WWOX: variants seen among roughly 807,000 people sequenced by gnomAD.
WWOX encodes the protein WW domain containing oxidoreductase, also known as WW domain-containing oxidoreductase.
In WWOX, 69 loss-of-function variants were observed where a neutral mutation model predicts 46.2. The ratio of observed to expected loss-of-function variants is 1.49; its 90% CI spans 1.23 to 1.82. The LOEUF (loss-of-function observed/expected upper bound fraction) is 1.82, where lower values mean the gene tolerates loss of function less well. WWOX is among the 40% of genes most tolerant of loss of function. The pLI is 0.00. For synonymous variants in WWOX, 359 were observed against 202.6 expected, an observed-to-expected ratio of 1.77 and a Z score of -6.56; for missense variants, 919 against 542.6, an observed-to-expected ratio of 1.69 and a Z score of -6.89.
intron 5 of WWOX, among the ~76,000 whole-genome samples, chr16:78,363,286 T>TC (rs1355876198): frequency 6.6e-6 from 1 of 151,848 alleles, no homozygotes; most frequent in African/African-American, 2.4e-5. Context: ...TTGAGGGCTT[T>TC]TTTTTTTGAC....
intron 5 of WWOX, among the ~76,000 whole-genome samples, chr16:78,249,067 C>A (rs189495734): frequency 4.8e-4 from 73 of 152,188 alleles, no homozygotes; most frequent in Non-Finnish European, 7.2e-4. Flanking sequence ...CCAGGCCAGA[C>A]TGGTCTTGAT....
chr16:78,319,861 C>A (rs2080430277), intron 5 of WWOX, among the ~76,000 whole-genome samples: 1 of 152,134 alleles, frequency 6.6e-6, no homozygotes, highest in Non-Finnish European at 1.5e-5. Context: ...CAGGCATCAC[C>A]TCACGCGTCT....
chr16:78,147,572 G>A (rs940988283), intron 4 of WWOX, among the ~76,000 whole-genome samples: 4 of 151,506 alleles, frequency 2.6e-5, no homozygotes, highest in Non-Finnish European at 5.9e-5. Context: ...GACTTTGGTA[G>A]CATAAAGACT....
At chr16:78,182,718 C>T (rs374600154) in intron 5 of WWOX, among the ~76,000 whole-genome samples, 81 of 151,868 alleles carry the variant, frequency 5.3e-4, no homozygotes, top group African/African-American at 1.8e-3. Flanking sequence ...TTTGGGAGGC[C>T]GAGGTGGGTG....
chr16:78,353,120 T>C (rs2081216761), intron 5 of WWOX, among the ~76,000 whole-genome samples: 1 of 152,224 alleles, frequency 6.6e-6, no homozygotes, highest in South Asian at 2.1e-4. Flanking sequence ...TCTTTCTATT[T>C]GTGGTCCAGC....
intron 8 of WWOX, among the ~76,000 whole-genome samples, chr16:79,104,750 A>G (rs536764377): frequency 6.6e-6 from 1 of 152,282 alleles, no homozygotes; most frequent in African/African-American, 2.4e-5. Flanking sequence ...TCAGAGAGTC[A>G]TTTGGAGACC....
chr16:78,359,220 C>T (rs886347229), intron 5 of WWOX, among the ~76,000 whole-genome samples: 1 of 152,164 alleles, frequency 6.6e-6, no homozygotes, highest in African/African-American at 2.4e-5. Flanking sequence ...GAGCTGGTAT[C>T]TCCTCTGATA....
chr16:78,450,620 C>CT (rs561399844), intron 8 of WWOX, among the ~76,000 whole-genome samples: 2 of 152,096 alleles, frequency 1.3e-5, no homozygotes, highest in African/African-American at 2.4e-5. Flanking sequence ...GGAACTTAAA[C>CT]TTTTTTTGAT....
At chr16:78,235,157 A>G (rs2037393806) in intron 5 of WWOX, among the ~76,000 whole-genome samples, 2 of 152,290 alleles carry the variant, frequency 1.3e-5, no homozygotes, top group Admixed American at 1.3e-4. Flanking sequence ...AATATTTAGT[A>G]TTATTGTTGT....
At chr16:78,961,099 A>G (rs1167241688) in intron 8 of WWOX, among the ~76,000 whole-genome samples, 2 of 152,120 alleles carry the variant, frequency 1.3e-5, no homozygotes, top group Non-Finnish European at 2.9e-5. Context: ...CTCATGGTGC[A>G]AGTTCCCCTG....
chr16:78,540,020 TCACACA>T lies in WWOX; in HGVS notation c.1056+107291_1056+107296del, dbSNP rs71140810. 3.2e-4 allele frequency among the ~76,000 whole-genome samples: 42 copies of T among 132,924 alleles called. 1 individual carries two copies. The highest frequency in any genetic ancestry group is 1.1e-3 in the African/African-American group (37 of 33,274). The allele number at this position is 132,924 out of a possible 152,430, so 87.2% of individuals were successfully genotyped here. A position where few individuals can be genotyped will look rare whatever the true frequency, so the allele number is the denominator to read the frequency against. Reference sequence around the variant, plus strand: ...CTTTCTCTCTCTCTCTCTCTCTCTCTCACACACACACACACACACACACACACAGCC... The same window carrying T: ...CTTTCTCTCTCTCTCTCTCTCTCTCTCACACACACACACACACACACAGCC... On this transcript the variant is annotated intron_variant, in intron 8 of 8. Coordinates refer to ENST00000566780, the MANE Select transcript of WWOX (RefSeq NM_016373.4).
intron 8 of WWOX, among the ~76,000 whole-genome samples, chr16:78,918,000 G>C (rs2045291558): frequency 1.3e-5 from 2 of 152,128 alleles, no homozygotes; most frequent in Admixed American, 6.5e-5. Context: ...CCAGGAGTTT[G>C]AAACCAGACT....
At chr16:78,447,194 G>A (rs1046486895) in intron 8 of WWOX, among the ~76,000 whole-genome samples, 6 of 152,070 alleles carry the variant, frequency 3.9e-5, no homozygotes, top group South Asian at 2.1e-4. Context: ...GCTTTGGAAC[G>A]GACCCTGGAC....
chr16:78,893,139 C>T (rs2044626790), intron 8 of WWOX, among the ~76,000 whole-genome samples: 1 of 151,850 alleles, frequency 6.6e-6, no homozygotes. Context: ...GGAGGCTCTC[C>T]AGGCTGACAG....
Position 78,148,846 on chromosome 16 carries a change from C to T in WWOX, c.410-15337C>T, listed in dbSNP as rs375598283. Among the ~76,000 whole-genome samples the T allele has an allele frequency of 3.5e-4, 47 of 135,446 alleles. No individual in the cohort carries two copies. In the East Asian group the frequency reaches 9.9e-3, roughly 29 times the overall value. 88.9% of individuals were successfully genotyped at this position (135,446 alleles called of 152,430 possible). A position where few individuals can be genotyped will look rare whatever the true frequency, so the allele number is the denominator to read the frequency against. ...CTGGGAGGCGGAGCTTGCAGTGAGCCGAGATTGCGCCACTGCACTCCAGCC... is the reference window on the plus strand; with the variant it reads ...CTGGGAGGCGGAGCTTGCAGTGAGCTGAGATTGCGCCACTGCACTCCAGCC... On this transcript the variant is annotated intron_variant, in intron 4 of 8. Coordinates refer to ENST00000566780, the MANE Select transcript of WWOX (RefSeq NM_016373.4).
intron 8 of WWOX, chr16:78,535,477 A>T (rs2043736453): frequency 6.6e-6 from 1 of 152,370 alleles, no homozygotes; most frequent in South Asian, 2.1e-4. Context: ...CCATCCCTGC[A>T]GCCCTTTGGC....
At chr16:78,732,129 G>A (rs2048984688) in intron 8 of WWOX, among the ~76,000 whole-genome samples, 1 of 152,098 alleles carries the variant, frequency 6.6e-6, no homozygotes, top group Non-Finnish European at 1.5e-5. Flanking sequence ...CTCCAAAAGT[G>A]CTGGGATTAC....
chr16:78,832,108 G>C (rs571239252), intron 8 of WWOX, among the ~76,000 whole-genome samples: 4 of 152,204 alleles, frequency 2.6e-5, no homozygotes, highest in Non-Finnish European at 5.9e-5. Context: ...TTAGCTGGGT[G>C]ATTCTAGCTC....
rs191535419 is a variant in WWOX at position 78,586,147 on chromosome 16, C to G, written c.1056+153395C>G. Among the ~76,000 whole-genome samples, 862 of 152,106 alleles carry G rather than the reference C, an allele frequency of 5.7e-3. 5 individuals carry two copies. The highest frequency in any genetic ancestry group is 0.01 in the Non-Finnish European group (694 of 67,976). On this transcript the variant is annotated intron_variant, in intron 8 of 8. Transcript: ENST00000566780. ...TGAGGTGGGAGGATTGTTTGAGCCC[C>G]GGAGTTCAAGACTAGCCTGGGCAAC...
Sources: gnomAD v4.1 joint callset for allele counts (sites outside exome capture counted in the v4.1 genomes callset) on GRCh38, gnomAD v4.1.1 for gene constraint, MANE v1.5 for transcripts, NCBI Gene and HGNC (gene_info 2026-07-23, HGNC 2026-07-21) for gene names.